RIMKLB: variants seen among roughly 807,000 people sequenced by gnomAD.
The protein encoded by RIMKLB is beta-citrylglutamate synthase B.
RIMKLB carries 7 observed loss-of-function variants against 32.0 expected under a neutral mutation model. The ratio of observed to expected loss-of-function variants is 0.22; its 90% CI spans 0.12 to 0.41. RIMKLB has a LOEUF of 0.41. Among genes scored for constraint, RIMKLB ranks in the 10% least tolerant of loss-of-function variants. RIMKLB has a pLI of 1.00. For synonymous variants in RIMKLB, 172 were observed against 185.1 expected, an observed-to-expected ratio of 0.93 and a Z score of 0.57; for missense variants, 289 against 498.7, an observed-to-expected ratio of 0.58 and a Z score of 4.00.
At chr12:8,732,756 TACACACACAC>T (rs775849283) in intron 2 of RIMKLB, among the ~76,000 whole-genome samples, 115 of 150,144 alleles carry the variant, frequency 7.7e-4, no homozygotes, top group Admixed American at 2.3e-3. Flanking sequence ...TATATATATA[TACACACACAC>T]ACACACACAC....
chr12:8,772,691 G>A (rs144414240), intron 5 of RIMKLB, among the ~76,000 whole-genome samples: 1 of 152,176 alleles, frequency 6.6e-6, no homozygotes, highest in African/African-American at 2.4e-5. Flanking sequence ...TGGATACACA[G>A]AGCTCTTGGA....
chr12:8,668,710 A>G, the RIMKLB span: 1 of 152,214 alleles, frequency 6.6e-6, no homozygotes, highest in Non-Finnish European at 1.5e-5. Context: ...CCAGCAACCC[A>G]AGGCCTGCCA....
Position 8,729,289 on chromosome 12 carries a change from G to A in RIMKLB, c.175+15248G>A, listed in dbSNP as rs1462332150. ...CATAAGTGAATTGAGGGTGGTAAAT[G>A]TGGGGTATTTTGCTGCAGATGAAAG... On this transcript the variant is annotated intron_variant, in intron 2 of 5. Transcript: ENST00000535829. 3.9e-5 allele frequency among the ~76,000 whole-genome samples: 6 copies of A among 152,190 alleles called. No individual in the cohort carries two copies. In the South Asian group the frequency reaches 8.3e-4, roughly 21 times the overall value.
chr12:8,714,791 G>A (rs928142993), intron 2 of RIMKLB, among the ~76,000 whole-genome samples: 2 of 152,034 alleles, frequency 1.3e-5, no homozygotes, highest in African/African-American at 4.8e-5. Context: ...AGCATTATAT[G>A]GTGTCATATA....
chr12:8,697,576 T>G (rs184345336), upstream of RIMKLB: 2 of 165,322 alleles, frequency 1.2e-5, no homozygotes, highest in African/African-American at 2.4e-5. Flanking sequence ...GGTTTCGAGT[T>G]GGGAGCAAAC....
At chr12:8,755,253 G>A (rs896089476) in intron 5 of RIMKLB, among the ~76,000 whole-genome samples, 7 of 151,056 alleles carry the variant, frequency 4.6e-5, no homozygotes, top group Non-Finnish European at 7.4e-5. Context: ...ACCCAGCGCC[G>A]GGCTAATTTT....
chr12:8,737,495 T>C (rs1225999968), intron 2 of RIMKLB, among the ~76,000 whole-genome samples: 1 of 152,208 alleles, frequency 6.6e-6, no homozygotes, highest in Non-Finnish European at 1.5e-5. Context: ...GTTTCCTTAC[T>C]ATATAGATAT....
upstream of RIMKLB, among the ~76,000 whole-genome samples, chr12:8,680,280 C>T (rs190871375): frequency 5.4e-3 from 826 of 152,288 alleles, 6 homozygotes; most frequent in Non-Finnish European, 6.9e-3. Flanking sequence ...CTCAGCCTCC[C>T]GAGTAGCTGG....
chr12:8,776,513 C>G lies in RIMKLB; in HGVS notation c.*2729C>G. The stretch of plus-strand genomic sequence containing the variant: ...TATCAAATATGTGTAATGATAAAAT[C>G]TGAATTGTAAAATTTTTGTATATTG... On this transcript the variant is annotated 3_prime_UTR_variant, in exon 6 of 6. Transcript: ENST00000535829. 1.4e-6 allele frequency: 1 copy of G among 738,030 alleles called. No individual in the cohort carries two copies. The highest frequency in any genetic ancestry group is 1.7e-6 in the Non-Finnish European group (1 of 604,864). 45.7% of individuals were successfully genotyped at this position (738,030 alleles called of 1,614,324 possible). A position where few individuals can be genotyped will look rare whatever the true frequency, so the allele number is the denominator to read the frequency against.
intron 1 of RIMKLB, among the ~76,000 whole-genome samples, chr12:8,707,125 T>G (rs995463482): frequency 6.6e-6 from 1 of 152,180 alleles, no homozygotes; most frequent in Non-Finnish European, 1.5e-5. Flanking sequence ...CTGATGGAGA[T>G]TTCTCCTCAC....
At chr12:8,777,308 G>A (rs1950795147), downstream of RIMKLB, 22 of 975,142 alleles carry the variant, frequency 2.3e-5, no homozygotes, top group Non-Finnish European at 2.5e-5. Context: ...TTGGATTTTG[G>A]AATGTTTCAG....
At position 8,777,053 on chromosome 12, in the gene RIMKLB, TAAGAA is replaced by T; in HGVS notation, c.*3272_*3276del. 1.0e-6 allele frequency: 1 copy of T among 985,802 alleles called. No individual in the cohort carries two copies. The highest frequency in any genetic ancestry group is 1.2e-6 in the Non-Finnish European group (1 of 829,928). 61.1% of individuals were successfully genotyped at this position (985,802 alleles called of 1,614,324 possible). On this transcript the variant is annotated 3_prime_UTR_variant, in exon 6 of 6. Coordinates refer to ENST00000535829, the MANE Select transcript of RIMKLB (RefSeq NM_001297776.2). ...TGGCTGGTGAGACACGATCCCCTCC[TAAGAA>T]AATGTAGGTGCTCAGACAGGTAACC...
chr12:8,716,319 A>G (rs757610640), intron 2 of RIMKLB, among the ~76,000 whole-genome samples: 172 of 152,132 alleles, frequency 1.1e-3, no homozygotes, highest in African/African-American at 3.7e-3. Context: ...GTGCCATTCT[A>G]TCACAGTGGA....
chr12:8,775,757 A>T lies in RIMKLB; in HGVS notation c.*1973A>T. On this transcript the variant is annotated 3_prime_UTR_variant, in exon 6 of 6. Coordinates refer to ENST00000535829, the MANE Select transcript of RIMKLB (RefSeq NM_001297776.2). Reference sequence around the variant, plus strand: ...GTTGATTGTTGATGAATAGAATAGTACCTCTCATCTGTGCAGTGTCTCATT... The same window carrying T: ...GTTGATTGTTGATGAATAGAATAGTTCCTCTCATCTGTGCAGTGTCTCATT... The T allele has an allele frequency of 2.0e-6, 2 of 985,320 alleles. No homozygotes were observed. The highest frequency in any genetic ancestry group is 2.4e-6 in the Non-Finnish European group (2 of 829,524). The allele number at this position is 985,320 out of a possible 1,614,324, so 61.0% of individuals were successfully genotyped here.
intron 2 of RIMKLB, among the ~76,000 whole-genome samples, chr12:8,721,851 C>T: frequency 6.6e-6 from 1 of 152,130 alleles, no homozygotes; most frequent in East Asian, 1.9e-4. Context: ...TCAAGCGATT[C>T]TCCTGCCTCA....
At chr12:8,755,456 A>C (rs765474689) in intron 5 of RIMKLB, among the ~76,000 whole-genome samples, 1 of 152,248 alleles carries the variant, frequency 6.6e-6, no homozygotes, top group African/African-American at 2.4e-5. Flanking sequence ...AAATCCTTAG[A>C]GGCATCCTGG....
At chr12:8,694,194 C>A (rs899272881), upstream of RIMKLB, among the ~76,000 whole-genome samples, 4 of 151,976 alleles carry the variant, frequency 2.6e-5, no homozygotes, top group Admixed American at 2.0e-4. Context: ...GATCTCACCA[C>A]TGCACTCCAG....
chr12:8,780,580 A>AGGGT (rs1950973711), downstream of RIMKLB: 1 of 152,192 alleles, frequency 6.6e-6, no homozygotes, highest in Non-Finnish European at 1.5e-5. Context: ...TGCAGCAGAC[A>AGGGT]ACTAAACTGG....
chr12:8,729,484 C>T (rs1429870471), intron 2 of RIMKLB, among the ~76,000 whole-genome samples: 1 of 152,132 alleles, frequency 6.6e-6, no homozygotes, highest in Non-Finnish European at 1.5e-5. Flanking sequence ...CGACGTCCAG[C>T]TGCTTCTCCT....
Sources: gnomAD v4.1 joint callset for allele counts (sites outside exome capture counted in the v4.1 genomes callset) on GRCh38, gnomAD v4.1.1 for gene constraint, MANE v1.5 for transcripts, NCBI Gene and HGNC (gene_info 2026-07-23, HGNC 2026-07-21) for gene names.